The following KCNAB2 variants were observed in gnomAD, a reference collection of about 807,000 sequenced individuals.
The protein encoded by KCNAB2 is potassium voltage-gated channel subfamily A regulatory beta subunit 2.
KCNAB2 carries 29 observed loss-of-function variants against 63.6 expected under a neutral mutation model. The observed-to-expected ratio is 0.46, with a 90% CI of 0.34 to 0.62. The LOEUF (loss-of-function observed/expected upper bound fraction) is 0.62. Ranked by LOEUF, KCNAB2 falls within the 20% of genes least tolerant of loss-of-function variation. The pLI, the probability that KCNAB2 is intolerant of heterozygous loss-of-function variation, is 0.01. For synonymous variants in KCNAB2, 222 were observed against 224.2 expected (o/e 0.99, Z 0.09); for missense variants, 359 against 563.9 (o/e 0.64, Z 3.68).
Position 6,087,635 on chromosome 1 carries a change from G to C in KCNAB2, c.470+124G>C, listed in dbSNP as rs1046664129. The stretch of plus-strand genomic sequence containing the variant: ...GAGGACAGTCCTCCTTGAGAAGGGA[G>C]AGTGGTCGGGGTCTGTCCTGGACAG... On this transcript the variant is annotated intron_variant, in intron 7 of 15. Coordinates refer to ENST00000378083, the MANE Select transcript of KCNAB2 (RefSeq NM_001199862.2). The surrounding 1 kb of genome is among the most constrained non-coding windows in gnomAD (Gnocchi z 6.4). 10 of 1,008,074 alleles carry C rather than the reference G, an allele frequency of 9.9e-6. No homozygotes were observed. In the Admixed American group the frequency reaches 1.9e-4, roughly 19 times the overall value. The allele number at this position is 1,008,074 out of a possible 1,614,324, so 62.4% of individuals were successfully genotyped here.
intron 15 of KCNAB2, chr1:6,098,007 G>C (rs1258342590): frequency 4.9e-6 from 1 of 203,470 alleles, no homozygotes; most frequent in African/African-American, 2.4e-5. Context: ...TCCGAGACGG[G>C]AGTGGTGGTT....
In KCNAB2 at chr1:6,096,813, C is replaced by T; in HGVS notation, c.1069+57C>T. The stretch of plus-strand genomic sequence containing the variant: ...CCTGGGGAGAACCTGCCCCAGCTGG[C>T]CGTAGGTAACAGGGTGGGGTTGCCA... On this transcript the variant is annotated intron_variant, in intron 14 of 15. Coordinates refer to ENST00000378083, the MANE Select transcript of KCNAB2 (RefSeq NM_001199862.2). This position sits in a 1 kb window ranked among gnomAD's most constrained non-coding sequence, Gnocchi z 5.9. The T allele has an allele frequency of 6.7e-7, 1 of 1,491,970 alleles. No individual in the cohort carries two copies. The allele number at this position is 1,491,970 out of a possible 1,614,324, so 92.4% of individuals were successfully genotyped here.
rs560228269 is a variant in KCNAB2 at position 6,018,949 on chromosome 1, TTG to T, written c.-52-21562_-52-21561del. On this transcript the variant is annotated intron_variant, in intron 1 of 16. Transcript: ENST00000341524. ...TGAGATTGGGAACTTTATATAAATTTTGTGTGTTATGAAATGTTATTCTTCTT... is the reference window on the plus strand; with the variant it reads ...TGAGATTGGGAACTTTATATAAATTTTGTGTTATGAAATGTTATTCTTCTT... 24 of 152,338 alleles carry T rather than the reference TTG, an allele frequency of 1.6e-4. No individual in the cohort carries two copies. The East Asian group carries it at 4.4e-3, about 28-fold the overall frequency. 9.4% of individuals were successfully genotyped at this position (152,338 alleles called of 1,614,324 possible). A position where few individuals can be genotyped will look rare whatever the true frequency, so the allele number is the denominator to read the frequency against.
intron 5 of KCNAB2, among the ~76,000 whole-genome samples, 174 bp from the exon 6 acceptor site, chr1:6,085,030 T>C (rs1664573862): frequency 6.6e-6 from 1 of 152,114 alleles, no homozygotes; most frequent in South Asian, 2.1e-4. Flanking sequence ...TCCCACTCCC[T>C]CGGGCCAACC....
At chr1:6,043,697 G>A (rs954608473), upstream of KCNAB2, among the ~76,000 whole-genome samples, 1 of 152,220 alleles carries the variant, frequency 6.6e-6, no homozygotes, top group African/African-American at 2.4e-5. Context: ...ATGGCTATTG[G>A]ATGGTTCTTT....
rs1657584816 is a variant in KCNAB2, at chr1:6,005,397, GCTGA to G, written c.-53+12610_-53+12613del. Among the ~76,000 whole-genome samples, 4 of 107,560 alleles carry G rather than the reference GCTGA, an allele frequency of 3.7e-5. 1 individual carries two copies. The highest frequency in any genetic ancestry group is 1.4e-4 in the African/African-American group (3 of 22,126). 70.6% of individuals were successfully genotyped at this position (107,560 alleles called of 152,430 possible). ...TGAGGGTGAACTGGGGGATGTGGGA[GCTGA>G]GCTGAGGGGTGGGGGTGGAGTTGTG... On this transcript the variant is annotated intron_variant, in intron 1 of 16. Transcript: ENST00000341524.
At chr1:6,002,699 G>A (rs958379089) in intron 1 of KCNAB2, among the ~76,000 whole-genome samples, 1 of 152,230 alleles carries the variant, frequency 6.6e-6, no homozygotes, top group Non-Finnish European at 1.5e-5. Context: ...GAAGGCCAAG[G>A]TCCCTTGAGT....
Position 6,100,002 on chromosome 1 carries a change from C to A in KCNAB2, c.*1428C>A. ...GGCAGGGCTCCACTGAAGCCACCCC[C>A]ACCCCTCGCCAGCTAGCTCCATAGG... On this transcript the variant is annotated 3_prime_UTR_variant, in exon 16 of 16. Transcript: ENST00000378083. The A allele has an allele frequency of 2.6e-6, 4 of 1,540,948 alleles. No individual in the cohort carries two copies. The highest frequency in any genetic ancestry group is 3.5e-6 in the Non-Finnish European group (4 of 1,141,990).
At chr1:6,010,792 G>A (rs111994361) in intron 1 of KCNAB2, among the ~76,000 whole-genome samples, 4,073 of 152,318 alleles carry the variant, frequency 0.027, 193 homozygotes, top group African/African-American at 0.093. Context: ...GTAGTGGCCC[G>A]GGAGCTGGGC....
chr1:6,097,167 G>A, intron 14 of KCNAB2, 102 bp from the exon 15 acceptor site: 15 of 1,342,246 alleles, frequency 1.1e-5, no homozygotes, highest in Non-Finnish European at 1.5e-5. Context: ...CAGACCCCCA[G>A]ACCAAGATGC....
intron 8 of KCNAB2, 24 bp from the exon 9 acceptor site, chr1:6,090,365 C>T (rs754942319): frequency 1.9e-6 from 3 of 1,567,456 alleles, no homozygotes; most frequent in Non-Finnish European, 2.6e-6. Flanking sequence ...AGCAGTGACG[C>T]CCCCCCACCT....
At chr1:6,043,744 C>T (rs375440428), upstream of KCNAB2, among the ~76,000 whole-genome samples, 16 of 152,340 alleles carry the variant, frequency 1.1e-4, no homozygotes, top group African/African-American at 3.4e-4. Context: ...AGGGCAGAGG[C>T]GTTCAAGGCA....
chr1:6,079,263 T>G (rs1290199836), intron 4 of KCNAB2, among the ~76,000 whole-genome samples: 1 of 152,206 alleles, frequency 6.6e-6, no homozygotes, highest in Non-Finnish European at 1.5e-5. Flanking sequence ...ACCCAGTCTT[T>G]GTCGGCCGCA....
intron 1 of KCNAB2, among the ~76,000 whole-genome samples, chr1:5,999,430 C>T (rs1306142721): frequency 6.6e-6 from 1 of 152,208 alleles, no homozygotes; most frequent in East Asian, 1.9e-4. Context: ...GTCAGTGAAC[C>T]TGCCCACCTC....
At chr1:6,008,326 A>G (rs1338372600) in intron 1 of KCNAB2, among the ~76,000 whole-genome samples, 1 of 151,996 alleles carries the variant, frequency 6.6e-6, no homozygotes, top group Non-Finnish European at 1.5e-5. Context: ...CATCCTCTTT[A>G]AGAATCACTC....
At chr1:6,031,510 C>T (rs1659622039), upstream of KCNAB2, among the ~76,000 whole-genome samples, 1 of 152,214 alleles carries the variant, frequency 6.6e-6, no homozygotes, top group African/African-American at 2.4e-5. This position sits in a 1 kb window ranked among gnomAD's most constrained non-coding sequence, Gnocchi z 4.1. Flanking sequence ...GGGAGTTTTG[C>T]TCCATTTATC....
chr1:6,085,493 C>A (rs1470285455), intron 6 of KCNAB2, among the ~76,000 whole-genome samples: 1 of 152,138 alleles, frequency 6.6e-6, no homozygotes, highest in African/African-American at 2.4e-5. Flanking sequence ...CGCCTCTGTC[C>A]CAACTCATCC....
intron 2 of KCNAB2, among the ~76,000 whole-genome samples, chr1:6,055,966 G>T (rs1661786700): frequency 1.3e-5 from 2 of 152,222 alleles, no homozygotes; most frequent in African/African-American, 4.8e-5. Context: ...CAAGAAACCA[G>T]CTGTGCCCCT....
At position 6,073,571 on chromosome 1, in the gene KCNAB2, A is replaced by C. The variant is rs558698244; in HGVS notation, c.263-162A>C. ...CCCCAGGAGAGCAGGACTTTCTCTG[A>C]AGGCCAGCTGTCCACACACACTAAG... On this transcript the variant is annotated intron_variant, in intron 3 of 15. Transcript: ENST00000378083. The surrounding 1 kb of genome is among the most constrained non-coding windows in gnomAD (Gnocchi z 5.7). Among the ~76,000 whole-genome samples the C allele has an allele frequency of 6.6e-6, 1 of 152,294 alleles. No homozygotes were observed. Among genetic ancestry groups the C allele is most frequent in the East Asian group, 1.9e-4 (1 of 5,180 alleles).
Sources: allele counts gnomAD v4.1 joint callset (sites outside exome capture counted in the v4.1 genomes callset), GRCh38; gene constraint gnomAD v4.1.1; non-coding constraint Gnocchi (gnomAD v3.1); transcripts MANE v1.5; gene names NCBI Gene and HGNC (gene_info 2026-07-23, HGNC 2026-07-21).